MTA1: variants seen among roughly 807,000 people sequenced by gnomAD.
MTA1 encodes metastasis-associated protein MTA1.
A neutral mutation model predicts 97.0 loss-of-function variants in MTA1; 15 were observed. That is an observed-to-expected ratio of 0.15 (90% confidence interval 0.10 to 0.24). The LOEUF (loss-of-function observed/expected upper bound fraction) is 0.24. Ranked by LOEUF, MTA1 falls within the 10% of genes least tolerant of loss-of-function variation. The pLI is 1.00. For synonymous variants in MTA1, 435 were observed against 417.5 expected (o/e 1.04, Z -0.51); for missense variants, 709 against 1,015.1 (o/e 0.70, Z 4.10).
intron 6 of MTA1, among the ~76,000 whole-genome samples, chr14:105,451,680 G>A (rs1443884569): frequency 1.3e-5 from 2 of 152,152 alleles, no homozygotes; most frequent in African/African-American, 2.4e-5. Context: ...GCCCAGAAAC[G>A]GCCGGGTCCA....
At chr14:105,466,875 C>T (rs1226705122) in intron 18 of MTA1, 133 bp downstream of exon 18, 304 of 864,532 alleles carry the variant, frequency 3.5e-4, no homozygotes, top group Non-Finnish European at 3.3e-5. Context: ...GGCCACAGCC[C>T]AGTTCCCCAC....
chr14:105,436,638 G>T (rs976555828), intron 1 of MTA1, among the ~76,000 whole-genome samples: 18 of 152,078 alleles, frequency 1.2e-4, no homozygotes, highest in Admixed American at 6.5e-5. Flanking sequence ...CTGCCAGGGG[G>T]CTTCACTCCT....
In MTA1 at chr14:105,445,643, C is replaced by T. The variant is rs782008206; in HGVS notation, c.190+132C>T. 1.4e-5 allele frequency: 13 copies of T among 939,674 alleles called. No individual in the cohort carries two copies. In the Middle Eastern group the frequency reaches 6.2e-4, roughly 45 times the overall value. The allele number at this position is 939,674 out of a possible 1,614,324, so 58.2% of individuals were successfully genotyped here. A position where few individuals can be genotyped will look rare whatever the true frequency, so the allele number is the denominator to read the frequency against. ...CCACCCTCTGCCCAACTCACTCTGGCGTCTCTTTTTCTCCCTTCCACAGTG... is the reference window on the plus strand; with the variant it reads ...CCACCCTCTGCCCAACTCACTCTGGTGTCTCTTTTTCTCCCTTCCACAGTG... On this transcript the variant is annotated intron_variant, in intron 3 of 20. Coordinates refer to ENST00000331320, the MANE Select transcript of MTA1 (RefSeq NM_004689.4).
intron 3 of MTA1, chr14:105,449,084 G>A (rs1449465102): frequency 3.2e-5 from 14 of 442,026 alleles, no homozygotes; most frequent in African/African-American, 2.3e-4. Context: ...TGGAGTGGGG[G>A]CAGGGGTGGC....
intron 16 of MTA1, chr14:105,465,560 T>G: frequency 1.2e-5 from 2 of 165,426 alleles, no homozygotes; most frequent in Non-Finnish European, 1.3e-5. Context: ...CTGCCTGTAA[T>G]ACCATTAAGG....
chr14:105,438,801 C>T (rs1567011125), intron 2 of MTA1, 62 bp downstream of exon 2: 4 of 1,567,360 alleles, frequency 2.6e-6, no homozygotes, highest in Non-Finnish European at 3.5e-6. Flanking sequence ...CCAGCTCCTG[C>T]CCTGTGGGTG....
rs587596776 is a variant in MTA1, at chr14:105,455,608, T to G, written c.550+1298T>G. ...GTCGCCCAGGCTGGACTTGAAGTCC[T>G]AGGCCCCAGCGATCCTCAAGCCTCA... On this transcript the variant is annotated intron_variant, in intron 7 of 20. Transcript: ENST00000331320. Among the ~76,000 whole-genome samples, 19 of 152,334 alleles carry G rather than the reference T, an allele frequency of 1.2e-4. No individual in the cohort carries two copies. In the South Asian group the frequency reaches 3.5e-3, roughly 28 times the overall value.
At chr14:105,449,838 T>G (rs2082854240) in intron 4 of MTA1, among the ~76,000 whole-genome samples, 2 of 152,228 alleles carry the variant, frequency 1.3e-5, no homozygotes, top group South Asian at 4.1e-4. Context: ...TGCCTGGACT[T>G]AAAGGGCACG....
chr14:105,461,015 G>C (rs1555430946), intron 10 of MTA1, 62 bp downstream of exon 10: 1 of 1,534,840 alleles, frequency 6.5e-7, no homozygotes, highest in Admixed American at 1.8e-5. Flanking sequence ...GTAGGCTGCG[G>C]GGGTGTGGGC....
chr14:105,461,246 A>G (rs1160838446), intron 10 of MTA1, among the ~76,000 whole-genome samples: 2 of 152,194 alleles, frequency 1.3e-5, no homozygotes, highest in Non-Finnish European at 2.9e-5. Context: ...GACGGAGGCC[A>G]GGGTATCCTC....
chr14:105,427,878 C>T lies in MTA1; in HGVS notation c.28+7815C>T, dbSNP rs184355578. ...TACTAAAAATACAAAAAAAGCCAGG[C>T]GTGGTGGTGCGTGCCTGTAATCCTA... On this transcript the variant is annotated intron_variant, in intron 1 of 20. Transcript: ENST00000331320. Among the ~76,000 whole-genome samples, 174 of 151,770 alleles carry T rather than the reference C, an allele frequency of 1.1e-3. 1 individual carries two copies. The highest frequency in any genetic ancestry group is 3.9e-3 in the African/African-American group (160 of 41,250).
At chr14:105,468,624 C>T (rs1006541773) in intron 18 of MTA1, among the ~76,000 whole-genome samples, 1 of 152,186 alleles carries the variant, frequency 6.6e-6, no homozygotes, top group Non-Finnish European at 1.5e-5. Context: ...AGGGATGGGC[C>T]TCAGCTAAGC....
Position 105,419,914 on chromosome 14 carries a change from C to T in MTA1, c.-122C>T, listed in dbSNP as rs1555420384. ...GCGGCGGCGGCGGCGGCGGCGGCAG[C>T]AGCGCGGCCCCTTTAAACGCCTGCG... On this transcript the variant is annotated 5_prime_UTR_variant, in exon 1 of 21. Transcript: ENST00000331320. 1.1e-5 allele frequency: 3 copies of T among 274,534 alleles called. No individual in the cohort carries two copies. The highest frequency in any genetic ancestry group is 1.6e-5 in the Non-Finnish European group (3 of 182,084). 17.0% of individuals were successfully genotyped at this position (274,534 alleles called of 1,614,324 possible).
chr14:105,421,503 A>T (rs1289565604), intron 1 of MTA1, among the ~76,000 whole-genome samples: 4 of 151,862 alleles, frequency 2.6e-5, no homozygotes, highest in African/African-American at 7.3e-5. Context: ...CCCTGCCCCC[A>T]CCCATGTTGG....
At chr14:105,438,291 C>T (rs1212780199) in intron 1 of MTA1, among the ~76,000 whole-genome samples, 5 of 152,142 alleles carry the variant, frequency 3.3e-5, no homozygotes, top group African/African-American at 1.2e-4. Context: ...GGGCTCCCGG[C>T]AGGGTCTGGG....
In MTA1 at chr14:105,445,504, G is replaced by T; in HGVS notation, c.183G>T (p.Lys61Asn). ...GCACCCTCATCGCCCTGGCCGACAAGCACGCAAGTGAGTCCGGCCTTCCCT... is the reference window on the plus strand; with the variant it reads ...GCACCCTCATCGCCCTGGCCGACAATCACGCAAGTGAGTCCGGCCTTCCCT... ...ISSTLIALADKHATLSVCYKA... is the reference protein window; with the variant it reads ...ISSTLIALADNHATLSVCYKA... Residue 61 changes from lysine (K) to asparagine (N), a missense_variant, in exon 3 of 21, where the codon AAG becomes AAT. Around this residue, in one of 2 missense-constraint regions of MTA1, gnomAD observed 321 missense variants for 593.5 expected, o/e 0.54. Coordinates refer to ENST00000331320, the MANE Select transcript of MTA1 (RefSeq NM_004689.4). 6.2e-7 allele frequency: 1 copy of T among 1,613,254 alleles called. No individual in the cohort carries two copies. Among genetic ancestry groups the T allele is most frequent in the South Asian group, 1.1e-5 (1 of 91,070 alleles).
chr14:105,447,254 C>T (rs587732752), intron 3 of MTA1, among the ~76,000 whole-genome samples: 9 of 152,250 alleles, frequency 5.9e-5, no homozygotes, highest in South Asian at 4.2e-4. Context: ...CCAGGCTGAG[C>T]GGCCGCAGTG....
intron 6 of MTA1, among the ~76,000 whole-genome samples, chr14:105,452,817 C>T (rs935437039): frequency 2.6e-5 from 4 of 152,236 alleles, no homozygotes; most frequent in African/African-American, 2.4e-5. Flanking sequence ...AGGTGTCATG[C>T]TGGACTTTAA....
intron 2 of MTA1, among the ~76,000 whole-genome samples, chr14:105,444,926 C>T (rs2082665049): frequency 6.6e-6 from 1 of 152,178 alleles, no homozygotes; most frequent in African/African-American, 2.4e-5. Flanking sequence ...TCTCTGGTGG[C>T]GTTTTACAGC....
Sources: gnomAD v4.1 joint callset for allele counts (sites outside exome capture counted in the v4.1 genomes callset) on GRCh38, gnomAD v4.1.1 for gene constraint, gnomAD v4.1.1 regional missense constraint, MANE v1.5 for transcripts, NCBI Gene and HGNC (gene_info 2026-07-23, HGNC 2026-07-21) for gene names.